The following NLGN1 variants were observed in gnomAD, a reference collection of about 807,000 sequenced individuals.
NLGN1 encodes the protein neuroligin 1.
A neutral mutation model predicts 65.5 loss-of-function variants in NLGN1; 12 were observed. The ratio of observed to expected loss-of-function variants is 0.18; its 90% CI spans 0.12 to 0.30. The LOEUF is 0.30. Ranked by LOEUF, NLGN1 falls within the 10% of genes least tolerant of loss-of-function variation. The probability of loss-of-function intolerance (pLI) is 1.00; values close to 1 mark genes in which losing one functional copy is unlikely to be tolerated. For missense variants in NLGN1, 750 were observed against 1,007.1 expected (o/e 0.74, Z 3.46); for synonymous variants, 350 against 359.5 (o/e 0.97, Z 0.30).
At chr3:173,530,778 A>G (rs1246056945) in intron 2 of NLGN1, among the ~76,000 whole-genome samples, 1 of 152,174 alleles carries the variant, frequency 6.6e-6, no homozygotes, top group Non-Finnish European at 1.5e-5. Context: ...CAGAGTTTAA[A>G]TAATTACTTT....
intron 4 of NLGN1, among the ~76,000 whole-genome samples, chr3:173,879,556 G>A (rs1037530259): frequency 6.6e-6 from 1 of 151,852 alleles, no homozygotes; most frequent in Non-Finnish European, 1.5e-5. Flanking sequence ...CCTTGTCTAC[G>A]AAAGTTCAAC....
chr3:173,929,118 C>T (rs1040142785), intron 4 of NLGN1, among the ~76,000 whole-genome samples: 4 of 152,188 alleles, frequency 2.6e-5, no homozygotes, highest in Non-Finnish European at 5.9e-5. Flanking sequence ...CTTATATCAA[C>T]TGGAAAAATT....
chr3:174,113,780 A>C (rs1204404209), intron 4 of NLGN1, among the ~76,000 whole-genome samples: 2 of 152,256 alleles, frequency 1.3e-5, no homozygotes, highest in East Asian at 3.9e-4. Flanking sequence ...ATAACACTTT[A>C]TTATTTCTGA....
chr3:174,201,219 A>G (rs1154878), intron 4 of NLGN1, among the ~76,000 whole-genome samples: 80,253 of 150,322 alleles, frequency 0.53, 22,088 homozygotes, highest in East Asian at 0.83. Context: ...CTCCAGCCTG[A>G]GCTACAGAGT....
intron 3 of NLGN1, among the ~76,000 whole-genome samples, chr3:173,736,937 T>C (rs896395877): frequency 4.6e-5 from 7 of 152,072 alleles, no homozygotes; most frequent in African/African-American, 1.7e-4. Flanking sequence ...GTAGCTGAGA[T>C]TTTAATGGTG....
intron 2 of NLGN1, among the ~76,000 whole-genome samples, chr3:173,517,020 G>A (rs549401717): frequency 6.6e-6 from 1 of 151,424 alleles, no homozygotes; most frequent in South Asian, 2.1e-4. Context: ...ATATCTTTAA[G>A]TATTAGATCT....
At position 174,242,738 on chromosome 3, in the gene NLGN1, T is replaced by C. The variant is rs552790068; in HGVS notation, c.647-32577T>C. 2.6e-4 allele frequency among the ~76,000 whole-genome samples: 40 copies of C among 152,270 alleles called. No homozygotes were observed. The South Asian group carries it at 8.3e-3, about 32-fold the overall frequency. On this transcript the variant is annotated intron_variant, in intron 4 of 6. Transcript: ENST00000457714. Reference sequence around the variant, plus strand: ...ATTATATAATTATTATGTATTACAATGTGGCAATAATAGAAATAAAGTGCG... The same window carrying C: ...ATTATATAATTATTATGTATTACAACGTGGCAATAATAGAAATAAAGTGCG...
At chr3:174,071,682 G>T (rs1019821460) in intron 4 of NLGN1, among the ~76,000 whole-genome samples, 3 of 147,944 alleles carry the variant, frequency 2.0e-5, no homozygotes, top group Non-Finnish European at 4.4e-5. Context: ...CTCCAGCCTG[G>T]ATGACACAGC....
intron 2 of NLGN1, among the ~76,000 whole-genome samples, chr3:173,449,710 G>A (rs1231193260): frequency 6.6e-6 from 1 of 152,138 alleles, no homozygotes; most frequent in African/African-American, 2.4e-5. Context: ...GTTCTTTGCA[G>A]GTCACTAAGG....
intron 4 of NLGN1, among the ~76,000 whole-genome samples, chr3:173,900,328 C>T (rs2152173665): frequency 6.6e-6 from 1 of 152,126 alleles, no homozygotes; most frequent in South Asian, 2.1e-4. Context: ...CTGACCATAG[C>T]TTTGGGTGCA....
At chr3:173,808,878 G>A (rs963632851) in intron 4 of NLGN1, among the ~76,000 whole-genome samples, 1 of 152,086 alleles carries the variant, frequency 6.6e-6, no homozygotes, top group African/African-American at 2.4e-5. Context: ...TATCCACGTT[G>A]AGAATCAGAA....
intron 3 of NLGN1, among the ~76,000 whole-genome samples, chr3:173,623,173 A>T (rs191686513): frequency 1.3e-5 from 2 of 152,174 alleles, no homozygotes; most frequent in East Asian, 3.9e-4. Flanking sequence ...ACCTCGGTGA[A>T]GGTTAAGTCA....
intron 4 of NLGN1, among the ~76,000 whole-genome samples, chr3:174,066,466 C>T (rs1443930984): frequency 1.4e-5 from 2 of 143,174 alleles, no homozygotes; most frequent in Admixed American, 1.5e-4. Context: ...CACTTTTGAC[C>T]CAAATATCAG....
At chr3:173,664,369 TC>T (rs1761408746) in intron 3 of NLGN1, among the ~76,000 whole-genome samples, 2 of 152,078 alleles carry the variant, frequency 1.3e-5, no homozygotes, top group African/African-American at 4.8e-5. Context: ...AGATGATTCT[TC>T]CTAGTAATGA....
chr3:173,417,620 G>A (rs913633336), intron 1 of NLGN1, among the ~76,000 whole-genome samples: 1 of 139,002 alleles, frequency 7.2e-6, no homozygotes, highest in Non-Finnish European at 1.6e-5. Context: ...ACACCACACA[G>A]AAATGCAATA....
chr3:173,946,218 A>G (rs1747116172), intron 4 of NLGN1, among the ~76,000 whole-genome samples: 1 of 152,224 alleles, frequency 6.6e-6, no homozygotes, highest in South Asian at 2.1e-4. Context: ...AATTTACCCA[A>G]TAAACCAAAA....
At chr3:174,154,938 TATATATA>T (rs1191499502) in intron 4 of NLGN1, among the ~76,000 whole-genome samples, 1 of 134,540 alleles carries the variant, frequency 7.4e-6, no homozygotes, top group Non-Finnish European at 1.6e-5. Flanking sequence ...ATTTATATTT[TATATATA>T]ATATATAATA....
chr3:173,632,837 GTTTTTTTTTTTGT>G (rs1476115410), intron 3 of NLGN1, among the ~76,000 whole-genome samples: 12 of 117,808 alleles, frequency 1.0e-4, no homozygotes, highest in South Asian at 2.9e-4. Context: ...CTTGAGTAGT[GTTTTTTTTTTTGT>G]TTTTTTTTTT....
chr3:173,637,642 T>C (rs1054546645), intron 3 of NLGN1, among the ~76,000 whole-genome samples: 24 of 152,148 alleles, frequency 1.6e-4, no homozygotes, highest in African/African-American at 5.8e-4. Flanking sequence ...TACTATGATG[T>C]TATGAGGCAT....
Sources: gnomAD v4.1 joint callset for allele counts (sites outside exome capture counted in the v4.1 genomes callset) on GRCh38, gnomAD v4.1.1 for gene constraint, MANE v1.5 for transcripts, NCBI Gene and HGNC (gene_info 2026-07-23, HGNC 2026-07-21) for gene names.